The following PHF2 variants were observed in gnomAD, a reference collection of about 807,000 sequenced individuals.
PHF2 encodes the protein PHD finger protein 2, also known as lysine-specific demethylase PHF2.
Under a neutral mutation model 120.5 loss-of-function variants are expected in PHF2, and 27 were observed. The ratio of observed to expected loss-of-function variants is 0.22; its 90% confidence interval spans 0.17 to 0.31. The LOEUF is 0.31. PHF2 is among the 10% of genes least tolerant of loss of function. PHF2 has a pLI of 1.00. For synonymous variants in PHF2, 568 were observed against 592.5 expected, an observed-to-expected ratio of 0.96 and a Z score of 0.60; for missense variants, 1,024 against 1,434.8, an observed-to-expected ratio of 0.71 and a Z score of 4.63.
intron 3 of PHF2, 51 bp from the exon 4 acceptor site, chr9:93,645,578 G>A: frequency 6.6e-7 from 1 of 1,506,240 alleles, no homozygotes; most frequent in South Asian, 1.3e-5. Context: ...ACCTGTCCCG[G>A]TGCAGGAGGC....
intron 1 of PHF2, among the ~76,000 whole-genome samples, chr9:93,598,587 A>G (rs1825376033): frequency 1.3e-5 from 2 of 151,994 alleles, no homozygotes. Context: ...TGGTGCAGGC[A>G]TTCTGTCAGC....
At chr9:93,670,229 G>C (rs1245407864) in intron 17 of PHF2, among the ~76,000 whole-genome samples, 1 of 152,256 alleles carries the variant, frequency 6.6e-6, no homozygotes, top group Non-Finnish European at 1.5e-5. Context: ...TATGGGCCCA[G>C]GAGTGGCTAG....
At position 93,627,492 on chromosome 9, in the gene PHF2, A is replaced by ATTTTTTTTTTTTTTTTTTTTTTTTTT. The variant is rs55647503; in HGVS notation, c.99-2462_99-2461insTTTTTTTTTTTTTTTTTTTTTTTTTT. ...CAATTCAGACTCCTTTTATTTCAGG[A>ATTTTTTTTTTTTTTTTTTTTTTTTTT]TTTTTTTTTTTTTTTTGTCTAATTG... On this transcript the variant is annotated intron_variant, in intron 1 of 21. Transcript: ENST00000359246. Among the ~76,000 whole-genome samples the ATTTTTTTTTTTTTTTTTTTTTTTTTT allele has an allele frequency of 3.9e-4, 42 of 108,166 alleles. 1 individual carries two copies. Among genetic ancestry groups the ATTTTTTTTTTTTTTTTTTTTTTTTTT allele is most frequent in the African/African-American group, 6.0e-4 (16 of 26,536 alleles). The allele number at this position is 108,166 out of a possible 152,430, so 71.0% of individuals were successfully genotyped here. A position where few individuals can be genotyped will look rare whatever the true frequency, so the allele number is the denominator to read the frequency against.
rs1587717239 is a variant in PHF2, at chr9:93,665,813, G to A, written c.2065G>A (p.Asp689Asn). 1.9e-6 allele frequency: 3 copies of A among 1,613,286 alleles called. No homozygotes were observed. Among genetic ancestry groups the A allele is most frequent in the South Asian group, 2.2e-5 (2 of 91,084 alleles). The change falls in exon 15 of 22, where the codon GAC becomes AAC. Residue 689 changes from aspartate (D) to asparagine (N), a missense_variant. Physicochemically the swap from Asp to Asn is conservative, Grantham distance 23. This residue lies in a region of PHF2 where 677 missense variants were observed against 857.4 expected (regional missense o/e 0.79). Coordinates refer to ENST00000359246, the MANE Select transcript of PHF2 (RefSeq NM_005392.4). Reference sequence around the variant, plus strand: ...GTCGGATGACGGTGAGCTCAAGATCGACGAGTTTCCCATCAGGAGGAAGAA... The same window carrying A: ...GTCGGATGACGGTGAGCTCAAGATCAACGAGTTTCCCATCAGGAGGAAGAA... Reference protein sequence around the residue: ...YVSDDGELKIDEFPIRRKKNA... With the variant: ...YVSDDGELKINEFPIRRKKNA...
intron 17 of PHF2, among the ~76,000 whole-genome samples, chr9:93,671,707 T>C (rs1350352813): frequency 3.1e-5 from 4 of 127,260 alleles, no homozygotes; most frequent in African/African-American, 1.2e-4. Flanking sequence ...TGGATGTAGG[T>C]ACAGGTGTAG....
chr9:93,665,455 G>T (rs771698644), intron 14 of PHF2, among the ~76,000 whole-genome samples: 2 of 152,232 alleles, frequency 1.3e-5, no homozygotes, highest in Non-Finnish European at 2.9e-5. Flanking sequence ...CCACAGTGGG[G>T]ACTGAAGGCC....
rs557533329 is a variant in PHF2, at chr9:93,646,750, A to G, written c.460+961A>G. ...GGCCACAGCTTTTCTCGGGAGCCAC[A>G]TGGCCACCCTGGGGCTACCGAGACT... On this transcript the variant is annotated intron_variant, in intron 4 of 21. Coordinates refer to ENST00000359246, the MANE Select transcript of PHF2 (RefSeq NM_005392.4). Among the ~76,000 whole-genome samples the G allele has an allele frequency of 2.0e-5, 3 of 152,292 alleles. No individual in the cohort carries two copies. The South Asian group carries it at 6.2e-4, about 32-fold the overall frequency.
At chr9:93,582,476 C>T (rs1017925563) in intron 1 of PHF2, among the ~76,000 whole-genome samples, 4 of 152,188 alleles carry the variant, frequency 2.6e-5, no homozygotes, top group Non-Finnish European at 5.9e-5. Flanking sequence ...CGCTGTAGTG[C>T]CTCCCTCTCT....
chr9:93,645,460 C>G (rs1826240170), intron 3 of PHF2, among the ~76,000 whole-genome samples, 169 bp from the exon 4 acceptor site: 2 of 152,262 alleles, frequency 1.3e-5, no homozygotes, highest in African/African-American at 4.8e-5. Flanking sequence ...TCTGCCCTGG[C>G]TGCTCTATCG....
Position 93,673,636 on chromosome 9 carries a change from C to T in PHF2, c.2400C>T (p.Ser800=), listed in dbSNP as rs776644776. The T allele has an allele frequency of 1.1e-5, 18 of 1,606,060 alleles. No individual in the cohort carries two copies. The Admixed American group carries it at 3.0e-4, about 27-fold the overall frequency. The change falls in exon 18 of 22, where the codon TCC becomes TCT. Residue 800 remains serine (S), a synonymous_variant. Transcript: ENST00000359246. ...STQEAIQGML[S]MANLQASDSC... ...AGGAAGCCATTCAGGGAATGCTGTCCATGGCCAACCTGCAGGCCTCCGACT... is the reference window on the plus strand; with the variant it reads ...AGGAAGCCATTCAGGGAATGCTGTCTATGGCCAACCTGCAGGCCTCCGACT...
rs755286591 is a variant in PHF2 at position 93,677,597 on chromosome 9, C to T, written c.3212C>T (p.Thr1071Met). Residue 1071 changes from threonine to methionine, a missense_variant, in exon 22 of 22, where the codon ACG becomes ATG. Thr to Met is a moderately conservative substitution (Grantham distance 81). Coordinates refer to ENST00000359246, the MANE Select transcript of PHF2 (RefSeq NM_005392.4). This position sits in a 1 kb window ranked among gnomAD's most constrained non-coding sequence, Gnocchi z 4.4. ...NNNTAAKGKRTKKGMATAKQR... is the reference protein window; with the variant it reads ...NNNTAAKGKRMKKGMATAKQR... ...TCCCCGACTCCCCTAGGAAAACGTA[C>T]GAAAAAGGGCATGGCGACCGCCAAG... The T allele has an allele frequency of 1.2e-6, 2 of 1,613,422 alleles. No individual in the cohort carries two copies. Among genetic ancestry groups the T allele is most frequent in the East Asian group, 2.2e-5 (1 of 44,826 alleles).
intron 12 of PHF2, among the ~76,000 whole-genome samples, chr9:93,660,765 A>G (rs770040161): frequency 1.2e-4 from 18 of 152,222 alleles, no homozygotes; most frequent in Non-Finnish European, 2.5e-4. Context: ...GTCCTGCAGC[A>G]TCCAGGCCCA....
chr9:93,669,151 A>G (rs979655667), intron 17 of PHF2, among the ~76,000 whole-genome samples: 3 of 152,230 alleles, frequency 2.0e-5, no homozygotes, highest in Non-Finnish European at 4.4e-5. Context: ...TGGGTTGCCC[A>G]GACGGCATGG....
At chr9:93,588,248 G>A (rs377118023) in intron 1 of PHF2, among the ~76,000 whole-genome samples, 11 of 152,150 alleles carry the variant, frequency 7.2e-5, no homozygotes, top group East Asian at 3.9e-4. Context: ...ACTTCCTGTC[G>A]CAGGTGTACA....
At chr9:93,635,628 A>G (rs950567020) in intron 2 of PHF2, among the ~76,000 whole-genome samples, 2 of 152,188 alleles carry the variant, frequency 1.3e-5, no homozygotes, top group African/African-American at 4.8e-5. Context: ...CTTGAAGTCC[A>G]GTAGAGGTGT....
chr9:93,576,830 C>A lies in PHF2; in HGVS notation c.57C>A (p.Phe19Leu). ...VCRLPYDVTR[F>L]MIECDACKDW... is the part of the protein sequence containing the mutation. ...GGCTCCCCTACGACGTTACCCGCTTCATGATCGAGTGCGACGCCTGCAAGG... is the reference window on the plus strand; with the variant it reads ...GGCTCCCCTACGACGTTACCCGCTTAATGATCGAGTGCGACGCCTGCAAGG... Residue 19 changes from phenylalanine to leucine, a missense_variant, in exon 1 of 22, where the codon TTC becomes TTA. Around this residue, in one of 2 missense-constraint regions of PHF2, gnomAD observed 347 missense variants for 577.4 expected, o/e 0.60. Transcript: ENST00000359246. 1 of 1,289,556 alleles carries A rather than the reference C, an allele frequency of 7.8e-7. No individual in the cohort carries two copies. The highest frequency in any genetic ancestry group is 1.6e-5 in the African/African-American group (1 of 62,626). 79.9% of individuals were successfully genotyped at this position (1,289,556 alleles called of 1,614,324 possible). A position where few individuals can be genotyped will look rare whatever the true frequency, so the allele number is the denominator to read the frequency against.
intron 19 of PHF2, among the ~76,000 whole-genome samples, chr9:93,675,440 C>T (rs1026716214): frequency 6.6e-6 from 1 of 152,272 alleles, no homozygotes; most frequent in Non-Finnish European, 1.5e-5. Context: ...CCTGCCCAGA[C>T]TCTGATGTTG....
chr9:93,576,768 G>C lies in PHF2; in HGVS notation c.-6G>C. On this transcript the variant is annotated 5_prime_UTR_variant, in exon 1 of 22. Transcript: ENST00000359246. The stretch of plus-strand genomic sequence containing the variant: ...GCGGGGCCGAGCGGCGGCGCGGCGC[G>C]GCAACATGGCGACGGTGCCCGTGTA... The C allele has an allele frequency of 8.1e-7, 1 of 1,231,674 alleles. No homozygotes were observed. Among genetic ancestry groups the C allele is most frequent in the Non-Finnish European group, 1.0e-6 (1 of 955,608 alleles). The allele number at this position is 1,231,674 out of a possible 1,614,324, so 76.3% of individuals were successfully genotyped here.
chr9:93,610,611 G>T (rs1587679362), intron 1 of PHF2, among the ~76,000 whole-genome samples: 1 of 152,142 alleles, frequency 6.6e-6, no homozygotes, highest in Non-Finnish European at 1.5e-5. Context: ...TTCAGACTGT[G>T]TAGGTTGTTT....
Sources: gnomAD v4.1 joint callset for allele counts (sites outside exome capture counted in the v4.1 genomes callset) on GRCh38, gnomAD v4.1.1 for gene constraint, gnomAD v4.1.1 regional missense constraint, Gnocchi (gnomAD v3.1) non-coding constraint, MANE v1.5 for transcripts, NCBI Gene and HGNC (gene_info 2026-07-23, HGNC 2026-07-21) for gene names.